The following CSRP3 variants were observed in gnomAD, a reference collection of about 807,000 sequenced individuals.
CSRP3 encodes the protein cysteine and glycine-rich protein 3.
A neutral mutation model predicts 24.3 loss-of-function variants in CSRP3; 24 were observed. The ratio of observed to expected loss-of-function variants is 0.99; its 90% CI spans 0.71 to 1.39. CSRP3 has a LOEUF of 1.39. Ranked by LOEUF, CSRP3 falls within the 40% of genes most tolerant of loss-of-function variation. The pLI, the probability that CSRP3 is intolerant of heterozygous loss-of-function variation, is 0.00. For synonymous variants in CSRP3, 105 were observed against 94.0 expected (o/e 1.12, Z -0.68); for missense variants, 240 against 249.0 (o/e 0.96, Z 0.24).
rs557643642 is a variant in CSRP3 at position 19,188,216 on chromosome 11, G to T, written c.201C>A (p.Gly67=). 1 of 1,613,694 alleles carries T rather than the reference G, an allele frequency of 6.2e-7. No homozygotes were observed. Among genetic ancestry groups the T allele is most frequent in the Non-Finnish European group, 8.5e-7 (1 of 1,180,024 alleles). Reference sequence around the variant, plus strand: ...CTTGTCCATACCCGATCCCTTTGGGGCCATATCTGCGCCCATAGCACACCT... The same window carrying T: ...CTTGTCCATACCCGATCCCTTTGGGTCCATATCTGCGCCCATAGCACACCT... ...YCKVCYGRRY[G]PKGIGYGQGA... Residue 67 remains glycine (G), a synonymous_variant, in exon 3 of 6, where the codon GGC becomes GGA. Coordinates refer to ENST00000265968, the MANE Select transcript of CSRP3 (RefSeq NM_003476.5).
chr11:19,188,013 T>A (rs970543294), intron 3 of CSRP3, 123 bp downstream of exon 3: 51 of 1,132,842 alleles, frequency 4.5e-5, no homozygotes, highest in Non-Finnish European at 6.7e-5. Flanking sequence ...GTATTCCTAT[T>A]GTTGGCAAGT....
At chr11:19,200,030 C>A (rs1227367642) in intron 1 of CSRP3, among the ~76,000 whole-genome samples, 1 of 152,198 alleles carries the variant, frequency 6.6e-6, no homozygotes, top group Admixed American at 6.5e-5. Flanking sequence ...CTTCTAACTC[C>A]TGGTCAGCTT....
chr11:19,185,213 C>A (rs534982234), intron 4 of CSRP3, among the ~76,000 whole-genome samples, 168 bp from the exon 5 acceptor site: 58 of 152,346 alleles, frequency 3.8e-4, no homozygotes, highest in African/African-American at 1.3e-3. Context: ...GATGCTATGG[C>A]CTTAGCCAGC....
At chr11:19,196,089 C>T (rs1850698226) in intron 1 of CSRP3, among the ~76,000 whole-genome samples, 1 of 152,114 alleles carries the variant, frequency 6.6e-6, no homozygotes, top group Admixed American at 6.5e-5. Flanking sequence ...ATGGTGAAAC[C>T]CCATCTCTAC....
At chr11:19,197,215 A>G (rs1850729003) in intron 1 of CSRP3, among the ~76,000 whole-genome samples, 1 of 151,248 alleles carries the variant, frequency 6.6e-6, no homozygotes, top group African/African-American at 2.4e-5. Context: ...ATTGTAGAGT[A>G]ATATAAAATG....
intron 1 of CSRP3, among the ~76,000 whole-genome samples, chr11:19,194,746 C>T (rs547032760): frequency 3.1e-4 from 47 of 152,076 alleles, no homozygotes; most frequent in South Asian, 1.5e-3. Context: ...TTCTGTAGTT[C>T]GGGTTGTTTA....
rs900235490 is a variant in CSRP3, at chr11:19,189,317, G to C, written c.113-1013C>G. 2.8e-4 allele frequency among the ~76,000 whole-genome samples: 43 copies of C among 152,144 alleles called. 1 individual carries two copies. Among genetic ancestry groups the C allele is most frequent in the Admixed American group, 2.5e-3 (38 of 15,266 alleles). ...TCACCTAGAAATTGCATCTCAACAAGAAGGACCTATTAGCATAGCATTAGG... is the reference window on the plus strand; with the variant it reads ...TCACCTAGAAATTGCATCTCAACAACAAGGACCTATTAGCATAGCATTAGG... On this transcript the variant is annotated intron_variant, in intron 2 of 5. Coordinates refer to ENST00000265968, the MANE Select transcript of CSRP3 (RefSeq NM_003476.5).
chr11:19,200,533 T>G (rs1347127739), intron 1 of CSRP3, among the ~76,000 whole-genome samples: 1 of 152,098 alleles, frequency 6.6e-6, no homozygotes, highest in Non-Finnish European at 1.5e-5. Context: ...GGAGGCCCCT[T>G]GCCCTGTGTC....
chr11:19,184,913 G>A (rs1386483660), intron 5 of CSRP3, 39 bp downstream of exon 5: 1 of 1,496,050 alleles, frequency 6.7e-7, no homozygotes. Flanking sequence ...GGCCCTTTTA[G>A]GGAAAACATA....
intron 1 of CSRP3, among the ~76,000 whole-genome samples, chr11:19,198,510 T>C (rs1477777728): frequency 6.6e-6 from 1 of 152,252 alleles, no homozygotes; most frequent in Non-Finnish European, 1.5e-5. Flanking sequence ...TTCTGCACTA[T>C]TGATTTTCAG....
At chr11:19,198,272 A>G (rs985481126) in intron 1 of CSRP3, among the ~76,000 whole-genome samples, 2 of 152,198 alleles carry the variant, frequency 1.3e-5, no homozygotes, top group African/African-American at 4.8e-5. Context: ...TCTGTATCTC[A>G]TGCTCCTGTT....
At position 19,182,220 on chromosome 11, in the gene CSRP3, A is replaced by C. The variant is rs45479995; in HGVS notation, c.*450T>G. The C allele has an allele frequency of 3.3e-3, 559 of 169,682 alleles. 3 individuals carry two copies. Among genetic ancestry groups the C allele is most frequent in the Middle Eastern group, 0.019 (6 of 320 alleles). 10.5% of individuals were successfully genotyped at this position (169,682 alleles called of 1,614,324 possible). ...TCCCAGACCCCCTGTTTTCTTCTCC[A>C]TTAGCAGTAACTAGAAAGACACTTG... On this transcript the variant is annotated 3_prime_UTR_variant, in exon 6 of 6. Coordinates refer to ENST00000265968, the MANE Select transcript of CSRP3 (RefSeq NM_003476.5).
At chr11:19,197,359 TCCC>T (rs1565055054) in intron 1 of CSRP3, among the ~76,000 whole-genome samples, 32 of 43,738 alleles carry the variant, frequency 7.3e-4, no homozygotes, top group African/African-American at 3.5e-3. Flanking sequence ...CCTCCCTCCC[TCCC>T]TCCCTCCCTC....
At chr11:19,184,879 A>G (rs2288251) in intron 5 of CSRP3, 73 bp downstream of exon 5, 1 of 1,128,172 alleles carries the variant, frequency 8.9e-7, no homozygotes, top group Non-Finnish European at 1.4e-6. Context: ...ACCTCCAGGC[A>G]TGAACGTAAT....
chr11:19,192,800 C>G (rs780182255), intron 1 of CSRP3, among the ~76,000 whole-genome samples: 1 of 151,784 alleles, frequency 6.6e-6, no homozygotes, highest in African/African-American at 2.4e-5. Context: ...ATACAAAGAT[C>G]GTTTTTTTTT....
intron 3 of CSRP3, 46 bp downstream of exon 3, chr11:19,188,090 T>C: frequency 6.2e-7 from 1 of 1,611,954 alleles, no homozygotes. Context: ...ACTGTCCTGA[T>C]AATTGGAGAC....
In CSRP3 at chr11:19,186,209, G is replaced by T; in HGVS notation, c.414+7C>A. 1.2e-6 allele frequency: 2 copies of T among 1,614,178 alleles called. No individual in the cohort carries two copies. The highest frequency in any genetic ancestry group is 1.6e-4 in the Middle Eastern group (1 of 6,062). On this transcript the variant is annotated splice_region_variant and intron_variant, in intron 4 of 5. Coordinates refer to ENST00000265968, the MANE Select transcript of CSRP3 (RefSeq NM_003476.5). ...AAATTCTGTCTGGCTCATACAGAAGGTCTTACCTTGCCACCTCCCATAACC... is the reference window on the plus strand; with the variant it reads ...AAATTCTGTCTGGCTCATACAGAAGTTCTTACCTTGCCACCTCCCATAACC...
chr11:19,182,738 CA>C lies in CSRP3; in HGVS notation c.516del (p.Tyr172Ter), dbSNP rs756715438. ...ATACCCGTGGGGCCAAAATTTTTGG[CA>C]TAGCAAACTGTGAATGAGAAGAGGA... is the stretch of plus-strand genomic sequence containing the variant. ...KDGELYCKVC[Y>X]AKNFGPTGIG... On this transcript the variant is annotated frameshift_variant, in exon 6 of 6. Coordinates refer to ENST00000265968, the MANE Select transcript of CSRP3 (RefSeq NM_003476.5). LOFTEE classifies it high-confidence loss of function. The C allele has an allele frequency of 6.2e-7, 1 of 1,613,204 alleles. No homozygotes were observed. Among genetic ancestry groups the C allele is most frequent in the African/African-American group, 1.3e-5 (1 of 74,888 alleles).
intron 1 of CSRP3, among the ~76,000 whole-genome samples, chr11:19,194,341 A>G (rs1850662725): frequency 1.3e-5 from 2 of 152,208 alleles, no homozygotes; most frequent in South Asian, 2.1e-4. Context: ...CAGAAGTAGG[A>G]TCTTCTGCTA....
Sources: allele counts gnomAD v4.1 joint callset (sites outside exome capture counted in the v4.1 genomes callset), GRCh38; gene constraint gnomAD v4.1.1; transcripts MANE v1.5; gene names NCBI Gene and HGNC (gene_info 2026-07-23, HGNC 2026-07-21).